The following SLC4A3 variants were observed in gnomAD, a reference collection of about 807,000 sequenced individuals.
SLC4A3 encodes the protein solute carrier family 4 member 3, also known as anion exchange protein 3.
A neutral mutation model predicts 114.2 loss-of-function variants in SLC4A3; 47 were observed. The observed-to-expected ratio is 0.41, with a 90% CI of 0.33 to 0.52. SLC4A3 has a LOEUF of 0.52. SLC4A3 is among the 20% of genes least tolerant of loss of function. SLC4A3 has a pLI of 0.21. For synonymous variants in SLC4A3, 693 were observed against 710.3 expected (o/e 0.98, Z 0.39); for missense variants, 1,312 against 1,668.3 (o/e 0.79, Z 3.72).
chr2:219,639,860 A>C lies in SLC4A3; in HGVS notation c.3277+125A>C. On this transcript the variant is annotated intron_variant, in intron 20 of 22. Coordinates refer to ENST00000358055, the MANE Select transcript of SLC4A3 (RefSeq NM_005070.4). The surrounding 1 kb of genome is among the most constrained non-coding windows in gnomAD (Gnocchi z 5.9). ...GTGTTGCCCTCAATCTGACCCCCAA[A>C]CCTGCTTCCCAGCACTCCCCTAGCC... 2 of 1,277,264 alleles carry C rather than the reference A, an allele frequency of 1.6e-6. No individual in the cohort carries two copies. Among genetic ancestry groups the C allele is most frequent in the Non-Finnish European group, 2.2e-6 (2 of 928,680 alleles). The allele number at this position is 1,277,264 out of a possible 1,614,324, so 79.1% of individuals were successfully genotyped here. A position where few individuals can be genotyped will look rare whatever the true frequency, so the allele number is the denominator to read the frequency against.
In SLC4A3 at chr2:219,639,693, C is replaced by A. The variant is rs62181349; in HGVS notation, c.3235C>A (p.Arg1079=). The change falls in exon 20 of 23, where the codon CGG becomes AGG. Residue 1079 remains arginine (R), a synonymous_variant. Transcript: ENST00000358055. This position sits in a 1 kb window ranked among gnomAD's most constrained non-coding sequence, Gnocchi z 5.9. ...TGACAAGCCCCAGATCCAGGAGGTG[C>A]GGGAGCAGCGGGTCACTGGTGTGCT... ...PGDKPQIQEV[R]EQRVTGVLIA... is the part of the protein sequence containing the mutation. The A allele has an allele frequency of 1.9e-6, 3 of 1,611,100 alleles. No homozygotes were observed. The highest frequency in any genetic ancestry group is 2.7e-5 in the African/African-American group (2 of 74,890).
chr2:219,635,630 C>A, intron 13 of SLC4A3, 43 bp from the exon 14 acceptor site: 1 of 1,523,698 alleles, frequency 6.6e-7, no homozygotes, highest in Non-Finnish European at 8.9e-7. Flanking sequence ...GCCTCCGAGC[C>A]AGAGGGAGTG....
intron 7 of SLC4A3, 24 bp from the exon 8 acceptor site, chr2:219,632,238 C>G (rs772641939): frequency 1.2e-6 from 2 of 1,613,722 alleles, no homozygotes; most frequent in South Asian, 2.2e-5. Flanking sequence ...GCCCCTGGGC[C>G]CTCACCTTTG....
In SLC4A3 at chr2:219,631,907, G is replaced by A; in HGVS notation, c.812-61G>A. The A allele has an allele frequency of 6.6e-7, 1 of 1,522,136 alleles. No homozygotes were observed. 94.3% of individuals were successfully genotyped at this position (1,522,136 alleles called of 1,614,324 possible). On this transcript the variant is annotated intron_variant, in intron 6 of 22. Transcript: ENST00000358055. This position sits in a 1 kb window ranked among gnomAD's most constrained non-coding sequence, Gnocchi z 6.3. ...TAGATGGGTTGGGCAGAAGGAGCTG[G>A]GCCGTGACCCCGAGGGCCCCAGCTG...
In SLC4A3 at chr2:219,638,310, C is replaced by T. The variant is rs1399185916; in HGVS notation, c.2856+57C>T. On this transcript the variant is annotated intron_variant, in intron 18 of 22. Transcript: ENST00000358055. The surrounding 1 kb of genome is among the most constrained non-coding windows in gnomAD (Gnocchi z 7.5). ...TCACCCCCAGGCCAGGAGAGGGAGC[C>T]CACAACACACTTCCATGGGCCCTGG... The T allele has an allele frequency of 2.5e-5, 32 of 1,304,554 alleles. No homozygotes were observed. The highest frequency in any genetic ancestry group is 2.2e-6 in the Non-Finnish European group (2 of 914,010). 80.8% of individuals were successfully genotyped at this position (1,304,554 alleles called of 1,614,324 possible). A position where few individuals can be genotyped will look rare whatever the true frequency, so the allele number is the denominator to read the frequency against.
chr2:219,638,597 C>A lies in SLC4A3; in HGVS notation c.2857-106C>A. 8.4e-7 allele frequency: 1 copy of A among 1,192,422 alleles called. No homozygotes were observed. The highest frequency in any genetic ancestry group is 1.2e-6 in the Non-Finnish European group (1 of 836,460). 73.9% of individuals were successfully genotyped at this position (1,192,422 alleles called of 1,614,324 possible). Reference sequence around the variant, plus strand: ...AATTTTCCCCTGACCTGTTCACACCCCAGCTCCCTGAAGTCCTGGACTGGG... The same window carrying A: ...AATTTTCCCCTGACCTGTTCACACCACAGCTCCCTGAAGTCCTGGACTGGG... On this transcript the variant is annotated intron_variant, in intron 18 of 22. Transcript: ENST00000358055. The surrounding 1 kb of genome is among the most constrained non-coding windows in gnomAD (Gnocchi z 7.5).
At position 219,639,998 on chromosome 2, in the gene SLC4A3, C is replaced by T. The variant is rs772933862; in HGVS notation, c.3277+263C>T. Among the ~76,000 whole-genome samples, 8 of 152,234 alleles carry T rather than the reference C, an allele frequency of 5.3e-5. No homozygotes were observed. Among genetic ancestry groups the T allele is most frequent in the African/African-American group, 1.4e-4 (6 of 41,564 alleles). On this transcript the variant is annotated intron_variant, in intron 20 of 22. Transcript: ENST00000358055. The surrounding 1 kb of genome is among the most constrained non-coding windows in gnomAD (Gnocchi z 5.9). Reference sequence around the variant, plus strand: ...AGGCTGGAGTGCAGTGGCGCGATCTCGGCTCACTGCAAGCTCCGCCTCCCA... The same window carrying T: ...AGGCTGGAGTGCAGTGGCGCGATCTTGGCTCACTGCAAGCTCCGCCTCCCA...
chr2:219,628,657 C>A lies in SLC4A3; in HGVS notation c.217+87C>A. 1 of 1,340,078 alleles carries A rather than the reference C, an allele frequency of 7.5e-7. No individual in the cohort carries two copies. The highest frequency in any genetic ancestry group is 1.2e-5 in the South Asian group (1 of 80,786). The allele number at this position is 1,340,078 out of a possible 1,614,324, so 83.0% of individuals were successfully genotyped here. A position where few individuals can be genotyped will look rare whatever the true frequency, so the allele number is the denominator to read the frequency against. ...TCACCGCGCTCACCTCCGGCTTGGT[C>A]ACCCAGTGCCATCCTGTGCCGGACA... On this transcript the variant is annotated intron_variant, in intron 3 of 22. Coordinates refer to ENST00000358055, the MANE Select transcript of SLC4A3 (RefSeq NM_005070.4). This position sits in a 1 kb window ranked among gnomAD's most constrained non-coding sequence, Gnocchi z 4.8.
Position 219,638,362 on chromosome 2 carries a change from T to G in SLC4A3, c.2856+109T>G. 2 of 926,170 alleles carry G rather than the reference T, an allele frequency of 2.2e-6. No individual in the cohort carries two copies. The highest frequency in any genetic ancestry group is 1.7e-6 in the Non-Finnish European group (1 of 595,828). The allele number at this position is 926,170 out of a possible 1,614,324, so 57.4% of individuals were successfully genotyped here. A position where few individuals can be genotyped will look rare whatever the true frequency, so the allele number is the denominator to read the frequency against. ...ATTGGGATCAGGCCTGAACTCAACT[T>G]TCCCAGTGGAGTGGCCGCCCTGGGG... On this transcript the variant is annotated intron_variant, in intron 18 of 22. Transcript: ENST00000358055. The surrounding 1 kb of genome is among the most constrained non-coding windows in gnomAD (Gnocchi z 7.5).
In SLC4A3 at chr2:219,641,735, A is replaced by G; in HGVS notation, c.*7A>G. 6.2e-7 allele frequency: 1 copy of G among 1,611,912 alleles called. No homozygotes were observed. The highest frequency in any genetic ancestry group is 8.5e-7 in the Non-Finnish European group (1 of 1,178,042). ...GCTGCACATGCCAGTGTGACCCTTG[A>G]AGACAGTGCCCCTCAGAGACCCCAA... On this transcript the variant is annotated 3_prime_UTR_variant, in exon 23 of 23. Coordinates refer to ENST00000358055, the MANE Select transcript of SLC4A3 (RefSeq NM_005070.4). The surrounding 1 kb of genome is among the most constrained non-coding windows in gnomAD (Gnocchi z 4.0).
chr2:219,635,529 CA>C, intron 13 of SLC4A3, 33 bp downstream of exon 13: 1 of 1,536,664 alleles, frequency 6.5e-7, no homozygotes, highest in Non-Finnish European at 8.9e-7. Flanking sequence ...GCCCCCAATA[CA>C]CACTCCCCCA....
chr2:219,636,742 G>A lies in SLC4A3; in HGVS notation c.2403G>A (p.Val801=). 6.2e-7 allele frequency: 1 copy of A among 1,614,078 alleles called. No homozygotes were observed. The highest frequency in any genetic ancestry group is 8.5e-7 in the Non-Finnish European group (1 of 1,179,962). ...TGRVWVGLWL[V]VFVLALVAAE... ...GGGTGTGGGTTGGTCTCTGGCTGGT[G>A]GTCTTCGTCCTTGCCCTGGTGGCCG... Residue 801 remains valine (V), a synonymous_variant, in exon 16 of 23, where the codon GTG becomes GTA. Transcript: ENST00000358055. The surrounding 1 kb of genome is among the most constrained non-coding windows in gnomAD (Gnocchi z 5.5).
At position 219,628,638 on chromosome 2, in the gene SLC4A3, C is replaced by T. The variant is rs1363180665; in HGVS notation, c.217+68C>T. On this transcript the variant is annotated intron_variant, in intron 3 of 22. Coordinates refer to ENST00000358055, the MANE Select transcript of SLC4A3 (RefSeq NM_005070.4). This position sits in a 1 kb window ranked among gnomAD's most constrained non-coding sequence, Gnocchi z 4.8. ...ATCACCTTCATCGCCACCATCACCGCGCTCACCTCCGGCTTGGTCACCCAG... is the reference window on the plus strand; with the variant it reads ...ATCACCTTCATCGCCACCATCACCGTGCTCACCTCCGGCTTGGTCACCCAG... 32 of 1,508,114 alleles carry T rather than the reference C, an allele frequency of 2.1e-5. No homozygotes were observed. The highest frequency in any genetic ancestry group is 2.6e-5 in the Non-Finnish European group (28 of 1,097,340). The allele number at this position is 1,508,114 out of a possible 1,614,324, so 93.4% of individuals were successfully genotyped here. A position where few individuals can be genotyped will look rare whatever the true frequency, so the allele number is the denominator to read the frequency against.
Position 219,638,174 on chromosome 2 carries a change from T to C in SLC4A3, c.2777T>C (p.Ile926Thr). 1 of 1,611,952 alleles carries C rather than the reference T, an allele frequency of 6.2e-7. No homozygotes were observed. The highest frequency in any genetic ancestry group is 8.5e-7 in the Non-Finnish European group (1 of 1,178,976). ...CTGGCCCCTCTCAAGGCTCGTCGCA[T>C]CATCGGGGACTTTGGCATCCCCATC... is the stretch of plus-strand genomic sequence containing the variant. ...SRFLGGKARR[I>T]IGDFGIPISI... The change falls in exon 18 of 23, where the codon ATC becomes ACC. Residue 926 changes from isoleucine (I) to threonine (T), a missense_variant. By Grantham distance (89) the Ile-to-Thr change is moderately conservative. Transcript: ENST00000358055. This position sits in a 1 kb window ranked among gnomAD's most constrained non-coding sequence, Gnocchi z 7.5.
intron 8 of SLC4A3, 56 bp downstream of exon 8, chr2:219,632,498 C>A: frequency 6.7e-7 from 1 of 1,500,598 alleles, no homozygotes; most frequent in Non-Finnish European, 8.9e-7. Context: ...CTGTGCCAGG[C>A]TGCTCAGTTC....
In SLC4A3 at chr2:219,628,731, C is replaced by T. The variant is rs1387756635; in HGVS notation, c.217+161C>T. ...CACATGCCGTGTTCAGTCATCCTGC[C>T]TCCCCCACCCATCGCCTGTCCGCCT... On this transcript the variant is annotated intron_variant, in intron 3 of 22. Transcript: ENST00000358055. This position sits in a 1 kb window ranked among gnomAD's most constrained non-coding sequence, Gnocchi z 4.8. The T allele has an allele frequency of 2.6e-6, 2 of 771,308 alleles. No individual in the cohort carries two copies. The highest frequency in any genetic ancestry group is 4.1e-6 in the Non-Finnish European group (2 of 489,688). The allele number at this position is 771,308 out of a possible 1,614,324, so 47.8% of individuals were successfully genotyped here.
At position 219,634,416 on chromosome 2, in the gene SLC4A3, C is replaced by A; in HGVS notation, c.1562-4C>A. 1 of 1,613,988 alleles carries A rather than the reference C, an allele frequency of 6.2e-7. No individual in the cohort carries two copies. ...CAGCGCCCTGTGCTTTCCTCTTCCCCTAGGTTGTGTGCCTTTCTTGGAGCA... is the reference window on the plus strand; with the variant it reads ...CAGCGCCCTGTGCTTTCCTCTTCCCATAGGTTGTGTGCCTTTCTTGGAGCA... On this transcript the variant is annotated splice_region_variant and splice_polypyrimidine_tract_variant and intron_variant, in intron 11 of 22. Coordinates refer to ENST00000358055, the MANE Select transcript of SLC4A3 (RefSeq NM_005070.4).
Position 219,636,324 on chromosome 2 carries a change from G to T in SLC4A3, c.2214G>T (p.Met738Ile). ...CAGGAGAGAAGACCGAGGGGCTGAT[G>T]GGCGTGTCCGAGCTGATCGTGTCCA... ...GLLGEKTEGL[M>I]GVSELIVSTA... Residue 738 changes from methionine to isoleucine, a missense_variant, in exon 15 of 23, where the codon ATG (methionine) becomes ATT (isoleucine). By Grantham distance (10) the Met-to-Ile change is conservative. This residue lies in a region of SLC4A3 where 771 missense variants were observed against 977.7 expected (regional missense o/e 0.79). Coordinates refer to ENST00000358055, the MANE Select transcript of SLC4A3 (RefSeq NM_005070.4). The surrounding 1 kb of genome is among the most constrained non-coding windows in gnomAD (Gnocchi z 5.5). 1 of 1,613,788 alleles carries T rather than the reference G, an allele frequency of 6.2e-7. No homozygotes were observed. The highest frequency in any genetic ancestry group is 1.3e-5 in the African/African-American group (1 of 75,018).
At position 219,628,625 on chromosome 2, in the gene SLC4A3, G is replaced by A. The variant is rs972912458; in HGVS notation, c.217+55G>A. Reference sequence around the variant, plus strand: ...CGCCCTCGCCACCATCACCTTCATCGCCACCATCACCGCGCTCACCTCCGG... The same window carrying A: ...CGCCCTCGCCACCATCACCTTCATCACCACCATCACCGCGCTCACCTCCGG... On this transcript the variant is annotated intron_variant, in intron 3 of 22. Transcript: ENST00000358055. This position sits in a 1 kb window ranked among gnomAD's most constrained non-coding sequence, Gnocchi z 4.8. The A allele has an allele frequency of 9.6e-6, 15 of 1,569,600 alleles. No homozygotes were observed. The highest frequency in any genetic ancestry group is 4.1e-5 in the African/African-American group (3 of 73,638).
Sources: allele counts gnomAD v4.1 joint callset (sites outside exome capture counted in the v4.1 genomes callset), GRCh38; gene constraint gnomAD v4.1.1; regional missense constraint gnomAD v4.1.1; non-coding constraint Gnocchi (gnomAD v3.1); transcripts MANE v1.5; gene names NCBI Gene and HGNC (gene_info 2026-07-23, HGNC 2026-07-21).